BLACAT1: variants seen among roughly 807,000 people sequenced by gnomAD.
The protein encoded by BLACAT1 is BLACAT1 overlapping LEMD1 locus, also known as bladder cancer associated transcript 1.
At chr1:205,453,498 G>T (rs1666523588) in intron 1 of BLACAT1, among the ~76,000 whole-genome samples, 1 of 152,134 alleles carries the variant, frequency 6.6e-6, no homozygotes, top group Non-Finnish European at 1.5e-5. Flanking sequence ...TTCCCCCAAG[G>T]GCTTTCTCTA....
chr1:205,447,471 G>C (rs192837319), intron 1 of BLACAT1, among the ~76,000 whole-genome samples: 1 of 152,186 alleles, frequency 6.6e-6, no homozygotes, highest in Admixed American at 6.5e-5. Flanking sequence ...ACTGGGGACT[G>C]GAACAGGGAG....
chr1:205,444,922 GAA>G (rs1666357485), intron 1 of BLACAT1, among the ~76,000 whole-genome samples: 1 of 148,384 alleles, frequency 6.7e-6, no homozygotes, highest in Non-Finnish European at 1.5e-5. Flanking sequence ...GGGCAAAAGA[GAA>G]GTGACCCAGT....
At position 205,450,272 on chromosome 1, in the gene BLACAT1, T is replaced by A. The variant is rs547074545; in HGVS notation, c.-37+5645A>T. On this transcript the variant is annotated intron_variant, in intron 1 of 1. Coordinates refer to ENST00000629624, the Ensembl canonical transcript of BLACAT1. This position sits in a 1 kb window ranked among gnomAD's most constrained non-coding sequence, Gnocchi z 4.4. ...GATCTCACTCCCTCTGAACCAGCCATGTATTACTCACGTCCCCCTGCCGGG... is the reference window on the plus strand; with the variant it reads ...GATCTCACTCCCTCTGAACCAGCCAAGTATTACTCACGTCCCCCTGCCGGG... 6.6e-6 allele frequency among the ~76,000 whole-genome samples: 1 copy of A among 152,034 alleles called. No homozygotes were observed. Among genetic ancestry groups the A allele is most frequent in the South Asian group, 2.1e-4 (1 of 4,810 alleles).
chr1:205,437,051 A>G (rs1666221451), downstream of BLACAT1: 1 of 152,660 alleles, frequency 6.6e-6, no homozygotes, highest in African/African-American at 2.4e-5. Context: ...CCATCCAGAA[A>G]CAATCACCAG....
downstream of BLACAT1, among the ~76,000 whole-genome samples, chr1:205,438,450 C>T (rs945544505): frequency 6.6e-6 from 1 of 152,208 alleles, no homozygotes; most frequent in East Asian, 1.9e-4. Flanking sequence ...GCAGGGTCTG[C>T]GAATGCTGGG....
chr1:205,450,623 C>T lies in BLACAT1; in HGVS notation c.-37+5294G>A, dbSNP rs866524604. 4.6e-5 allele frequency among the ~76,000 whole-genome samples: 7 copies of T among 152,124 alleles called. No homozygotes were observed. The highest frequency in any genetic ancestry group is 1.0e-4 in the Non-Finnish European group (7 of 68,016). On this transcript the variant is annotated intron_variant, in intron 1 of 1. Transcript: ENST00000629624. This position sits in a 1 kb window ranked among gnomAD's most constrained non-coding sequence, Gnocchi z 4.4. The stretch of plus-strand genomic sequence containing the variant: ...ACCCACCCTCACCCAGTCCTGCGCT[C>T]GGATTCCCAGCCATAGCCTGCCAAT...
downstream of BLACAT1, chr1:205,437,811 G>A (rs992793286): frequency 1.2e-4 from 19 of 152,186 alleles, no homozygotes; most frequent in Non-Finnish European, 2.1e-4. Flanking sequence ...AGGTCACATA[G>A]GTCATTAGTT....
intron 1 of BLACAT1, among the ~76,000 whole-genome samples, chr1:205,454,542 G>GTT (rs1462431706): frequency 6.6e-5 from 10 of 151,550 alleles, no homozygotes; most frequent in Non-Finnish European, 1.2e-4. Context: ...GTGTGTGTGT[G>GTT]TGTGTGTGAG....
intron 1 of BLACAT1, among the ~76,000 whole-genome samples, chr1:205,455,523 C>T (rs1558748938): frequency 6.6e-6 from 1 of 152,160 alleles, no homozygotes; most frequent in South Asian, 2.1e-4. Flanking sequence ...CCACTCCATA[C>T]CATGGGGTAT....
chr1:205,446,681 G>A (rs1281465837), intron 1 of BLACAT1, among the ~76,000 whole-genome samples: 1 of 152,210 alleles, frequency 6.6e-6, no homozygotes, highest in Non-Finnish European at 1.5e-5. Flanking sequence ...TCAGAGCAGG[G>A]TAGGGAACAG....
downstream of BLACAT1, chr1:205,437,909 G>A (rs1326281977): frequency 6.6e-6 from 1 of 152,106 alleles, no homozygotes; most frequent in African/African-American, 2.4e-5. Context: ...ATTTCAGTTA[G>A]TTAATTATTG....
intron 1 of BLACAT1, among the ~76,000 whole-genome samples, chr1:205,454,556 G>GAC (rs1273809959): frequency 6.6e-6 from 1 of 151,926 alleles, no homozygotes; most frequent in African/African-American, 2.4e-5. Flanking sequence ...GTGTGAGAGA[G>GAC]AGAGAGAGAG....
intron 1 of BLACAT1, among the ~76,000 whole-genome samples, chr1:205,446,915 T>C (rs1666398645): frequency 1.3e-5 from 2 of 152,228 alleles, no homozygotes; most frequent in African/African-American, 2.4e-5. Flanking sequence ...TTGCTTCTCC[T>C]ATTGTTCTGA....
At chr1:205,445,063 C>T (rs994954324) in intron 1 of BLACAT1, among the ~76,000 whole-genome samples, 9 of 152,164 alleles carry the variant, frequency 5.9e-5, no homozygotes, top group Admixed American at 2.0e-4. Context: ...TTCATCACTG[C>T]GAAGGGAAGC....
At position 205,450,235 on chromosome 1, in the gene BLACAT1, CTA is replaced by C. The variant is rs201595523; in HGVS notation, c.-37+5680_-37+5681del. Among the ~76,000 whole-genome samples the C allele has an allele frequency of 6.0e-3, 906 of 152,108 alleles. 11 individuals are homozygous for C. The highest frequency in any genetic ancestry group is 0.021 in the African/African-American group (863 of 41,486). ...TCGGTGAAGCACAAACCTCTTGTAT[CTA>C]CTGGCTTTTGATCTCACTCCCTCTG... On this transcript the variant is annotated intron_variant, in intron 1 of 1. Coordinates refer to ENST00000629624, the Ensembl canonical transcript of BLACAT1. The surrounding 1 kb of genome is among the most constrained non-coding windows in gnomAD (Gnocchi z 4.4).
chr1:205,447,907 G>A (rs992447917), intron 1 of BLACAT1, among the ~76,000 whole-genome samples: 2 of 152,222 alleles, frequency 1.3e-5, no homozygotes, highest in Non-Finnish European at 2.9e-5. Flanking sequence ...AGAGAAAGGA[G>A]TGAAGGAGTG....
At chr1:205,454,332 TC>T (rs1259088443) in intron 1 of BLACAT1, among the ~76,000 whole-genome samples, 1 of 151,704 alleles carries the variant, frequency 6.6e-6, no homozygotes, top group Non-Finnish European at 1.5e-5. Context: ...AATTTGATCC[TC>T]CCTAGTTGAG....
At position 205,441,218 on chromosome 1, in the gene BLACAT1, G is replaced by A. The variant is rs1226837866; in HGVS notation, c.-36-156C>T. ...GTCTCTCACACCGGCTGGGGGAGGA[G>A]TCAAGCCTCTAAACAACAGCTCTTT... On this transcript the variant is annotated intron_variant, in intron 1 of 1. Transcript: ENST00000629624. This position sits in a 1 kb window ranked among gnomAD's most constrained non-coding sequence, Gnocchi z 4.3. 6.6e-6 allele frequency among the ~76,000 whole-genome samples: 1 copy of A among 152,166 alleles called. No individual in the cohort carries two copies. Among genetic ancestry groups the A allele is most frequent in the African/African-American group, 2.4e-5 (1 of 41,434 alleles).
chr1:205,440,314 G>A (rs369367594), exon 2 of BLACAT1, among the ~76,000 whole-genome samples: 10 of 152,306 alleles, frequency 6.6e-5, no homozygotes, highest in African/African-American at 1.9e-4. Flanking sequence ...AGGGAGCCAC[G>A]GAGCCACTGG....
Sources: gnomAD v4.1 joint callset for allele counts (sites outside exome capture counted in the v4.1 genomes callset) on GRCh38, gnomAD v4.1.1 for gene constraint, Gnocchi (gnomAD v3.1) non-coding constraint, MANE v1.5 for transcripts, NCBI Gene and HGNC (gene_info 2026-07-23, HGNC 2026-07-21) for gene names.